The following RAB20 variants were observed in gnomAD, a reference collection of about 807,000 sequenced individuals.
The protein encoded by RAB20 is RAB20, member RAS oncogene family.
Under a neutral mutation model 3.7 loss-of-function variants are expected in RAB20, and 2 were observed. The observed-to-expected ratio is 0.54, with a 90% CI of 0.22 to 1.69. The LOEUF is 1.69. Among genes scored for constraint, RAB20 ranks in the 40% most tolerant of loss-of-function variants. The pLI, the probability that RAB20 is intolerant of heterozygous loss-of-function variation, is 0.19. For synonymous variants in RAB20, 126 were observed against 130.8 expected, an observed-to-expected ratio of 0.96 and a Z score of 0.25; for missense variants, 276 against 311.9, an observed-to-expected ratio of 0.88 and a Z score of 0.87.
intron 1 of RAB20, 55 bp downstream of exon 1, chr13:110,561,293 C>G: frequency 2.0e-6 from 3 of 1,491,856 alleles, no homozygotes; most frequent in Non-Finnish European, 2.7e-6. Flanking sequence ...AGCCCCGCGC[C>G]CCCCGTCCCC....
intron 1 of RAB20, among the ~76,000 whole-genome samples, chr13:110,536,875 A>AC (rs796848638): frequency 4.0e-5 from 6 of 150,444 alleles, no homozygotes; most frequent in African/African-American, 1.5e-4. Flanking sequence ...GGTGTGCTGC[A>AC]CCCATTAACT....
At chr13:110,559,262 T>A (rs1013227800) in intron 1 of RAB20, among the ~76,000 whole-genome samples, 1 of 135,776 alleles carries the variant, frequency 7.4e-6, no homozygotes, top group African/African-American at 2.7e-5. Flanking sequence ...ACTTTCAAAA[T>A]GGTTCCTCCT....
rs764352241 is a variant in RAB20, at chr13:110,524,090, G to A, written c.280C>T (p.Arg94Trp). The A allele has an allele frequency of 1.2e-5, 20 of 1,613,446 alleles. No individual in the cohort carries two copies. The highest frequency in any genetic ancestry group is 5.5e-5 in the South Asian group (5 of 91,078). ...GCTGTGTCTGTCAGGCCCAGGAACC[G>A]GTCCTCCAGCTCCACCAGGCTCTGC... ...HRQSLVELED[R>W]FLGLTDTASK... The change falls in exon 2 of 2, where the codon CGG (arginine) becomes TGG (tryptophan). Residue 94 changes from arginine (R) to tryptophan (W), a missense_variant. Physicochemically the swap from Arg to Trp is moderately radical, Grantham distance 101. Transcript: ENST00000267328.
intron 1 of RAB20, among the ~76,000 whole-genome samples, chr13:110,552,295 C>T (rs1468074394): frequency 7.9e-5 from 12 of 151,198 alleles, no homozygotes; most frequent in African/African-American, 2.7e-4. Context: ...AGGAGAATCA[C>T]TTGAACCCAG....
In RAB20 at chr13:110,523,467, C is replaced by T; in HGVS notation, c.*198G>A. 1 of 1,055,948 alleles carries T rather than the reference C, an allele frequency of 9.5e-7. No homozygotes were observed. The highest frequency in any genetic ancestry group is 2.9e-5 in the Admixed American group (1 of 33,982). The allele number at this position is 1,055,948 out of a possible 1,614,324, so 65.4% of individuals were successfully genotyped here. On this transcript the variant is annotated 3_prime_UTR_variant, in exon 2 of 2. Coordinates refer to ENST00000267328, the MANE Select transcript of RAB20 (RefSeq NM_017817.3). ...AGGATTCCTGTTTCCCACCTCCCCA[C>T]CCCTCTGACAGAGACTGAGGAGACC...
chr13:110,535,471 C>T lies in RAB20; in HGVS notation c.173-11274G>A, dbSNP rs188252751. ...CATACAACCACTTCGTGGGTCACGTCTTCATGGATCCTTAAACCACTCTGG... is the reference window on the plus strand; with the variant it reads ...CATACAACCACTTCGTGGGTCACGTTTTCATGGATCCTTAAACCACTCTGG... On this transcript the variant is annotated intron_variant, in intron 1 of 1. Coordinates refer to ENST00000267328, the MANE Select transcript of RAB20 (RefSeq NM_017817.3). Among the ~76,000 whole-genome samples, 227 of 152,374 alleles carry T rather than the reference C, an allele frequency of 1.5e-3. 1 individual carries two copies. The highest frequency in any genetic ancestry group is 3.4e-3 in the Middle Eastern group (1 of 292).
intron 1 of RAB20, among the ~76,000 whole-genome samples, chr13:110,549,588 G>A (rs1241785773): frequency 6.6e-6 from 1 of 152,194 alleles, no homozygotes; most frequent in Non-Finnish European, 1.5e-5. Context: ...TGGGTCATTA[G>A]ACCCTCCTTC....
chr13:110,530,906 C>T (rs1884527489), intron 1 of RAB20, among the ~76,000 whole-genome samples: 1 of 152,238 alleles, frequency 6.6e-6, no homozygotes, highest in Non-Finnish European at 1.5e-5. Context: ...GAGCTAATTC[C>T]ACTCACTTTA....
chr13:110,534,029 T>C (rs1280910209), intron 1 of RAB20, among the ~76,000 whole-genome samples: 1 of 152,090 alleles, frequency 6.6e-6, no homozygotes, highest in African/African-American at 2.4e-5. Context: ...GGGAACTGTA[T>C]CTGGTCGGGC....
chr13:110,551,085 A>G (rs1356842863), intron 1 of RAB20, among the ~76,000 whole-genome samples: 1 of 152,222 alleles, frequency 6.6e-6, no homozygotes, highest in Non-Finnish European at 1.5e-5. Flanking sequence ...CTGCTTTCAA[A>G]AGTTTCCTTC....
In RAB20 at chr13:110,525,087, T is replaced by G. The variant is rs111312932; in HGVS notation, c.173-890A>C. 8.7e-3 allele frequency among the ~76,000 whole-genome samples: 1,321 copies of G among 152,312 alleles called. 11 individuals carry two copies. The highest frequency in any genetic ancestry group is 0.015 in the Non-Finnish European group (989 of 68,020). ...TGGCGGGGAACAGGGCCAGCTGGCA[T>G]GCACCCCTGCAGTGCCTGGAGTGTG... On this transcript the variant is annotated intron_variant, in intron 1 of 1. Coordinates refer to ENST00000267328, the MANE Select transcript of RAB20 (RefSeq NM_017817.3).
intron 1 of RAB20, among the ~76,000 whole-genome samples, chr13:110,538,619 G>A (rs61271294): frequency 0.16 from 18,781 of 114,240 alleles, 749 homozygotes; most frequent in South Asian, 0.21. Flanking sequence ...AAAAAAAAAA[G>A]AAAGAAAAGA....
At chr13:110,557,145 G>C (rs1885053893) in intron 1 of RAB20, among the ~76,000 whole-genome samples, 1 of 152,144 alleles carries the variant, frequency 6.6e-6, no homozygotes, top group Non-Finnish European at 1.5e-5. Context: ...TGGAAGCCTG[G>C]GGTCTGAATG....
chr13:110,523,483 T>A lies in RAB20; in HGVS notation c.*182A>T. The A allele has an allele frequency of 3.2e-5, 35 of 1,099,962 alleles. No individual in the cohort carries two copies. Among genetic ancestry groups the A allele is most frequent in the Non-Finnish European group, 4.0e-5 (32 of 792,584 alleles). The allele number at this position is 1,099,962 out of a possible 1,614,324, so 68.1% of individuals were successfully genotyped here. A position where few individuals can be genotyped will look rare whatever the true frequency, so the allele number is the denominator to read the frequency against. On this transcript the variant is annotated 3_prime_UTR_variant, in exon 2 of 2. Coordinates refer to ENST00000267328, the MANE Select transcript of RAB20 (RefSeq NM_017817.3). ...ACCTCCCCACCCCTCTGACAGAGACTGAGGAGACCACACACGTTGACCTCC... is the reference window on the plus strand; with the variant it reads ...ACCTCCCCACCCCTCTGACAGAGACAGAGGAGACCACACACGTTGACCTCC...
At chr13:110,542,943 C>T (rs1026564556) in intron 1 of RAB20, among the ~76,000 whole-genome samples, 5 of 152,220 alleles carry the variant, frequency 3.3e-5, no homozygotes, top group African/African-American at 1.2e-4. Context: ...GTCTCCACAT[C>T]CTCACCAGCA....
intron 1 of RAB20, among the ~76,000 whole-genome samples, chr13:110,536,508 G>A (rs576537674): frequency 7.2e-5 from 11 of 152,262 alleles, no homozygotes; most frequent in Admixed American, 1.3e-4. Context: ...GAGGAAAGCC[G>A]GGGAAGAATC....
At chr13:110,550,230 G>T (rs1337391276) in intron 1 of RAB20, among the ~76,000 whole-genome samples, 1 of 151,408 alleles carries the variant, frequency 6.6e-6, no homozygotes, top group East Asian at 1.9e-4. Context: ...CCAACTCTGT[G>T]GCACCCCAAT....
chr13:110,552,104 C>T (rs542448237), intron 1 of RAB20, among the ~76,000 whole-genome samples: 77 of 151,964 alleles, frequency 5.1e-4, no homozygotes, highest in African/African-American at 1.8e-3. Context: ...ATAAGACGGG[C>T]GCGGTAGCTC....
chr13:110,554,401 G>C (rs1325738356), intron 1 of RAB20, among the ~76,000 whole-genome samples: 2 of 152,288 alleles, frequency 1.3e-5, no homozygotes, highest in South Asian at 2.1e-4. Flanking sequence ...TGGGGGCTGA[G>C]GTTTGTGTGT....
Sources: allele counts gnomAD v4.1 joint callset (sites outside exome capture counted in the v4.1 genomes callset), GRCh38; gene constraint gnomAD v4.1.1; transcripts MANE v1.5; gene names NCBI Gene and HGNC (gene_info 2026-07-23, HGNC 2026-07-21).